CTNNA3: variants seen among roughly 807,000 people sequenced by gnomAD.
CTNNA3 encodes the protein catenin alpha 3, also known as catenin alpha-3.
In CTNNA3, 76 loss-of-function variants were observed where a neutral mutation model predicts 95.7. The ratio of observed to expected loss-of-function variants is 0.79; its 90% CI spans 0.66 to 0.96. The LOEUF (loss-of-function observed/expected upper bound fraction) is 0.96, where lower values mean the gene tolerates loss of function less well. Among genes scored for constraint, CTNNA3 ranks in the 40% least tolerant of loss-of-function variants. CTNNA3 has a pLI of 0.00. For missense variants in CTNNA3, 1,191 were observed against 1,089.8 expected (o/e 1.09, Z -1.31); for synonymous variants, 431 against 374.4 (o/e 1.15, Z -1.74).
chr10:66,668,554 T>C (rs1273137374), intron 9 of CTNNA3, among the ~76,000 whole-genome samples: 1 of 152,004 alleles, frequency 6.6e-6, no homozygotes, highest in African/African-American at 2.4e-5. Context: ...GGTTCATGTC[T>C]ATAATCCCAG....
At chr10:66,398,036 G>C (rs1589192695) in intron 11 of CTNNA3, among the ~76,000 whole-genome samples, 1 of 151,882 alleles carries the variant, frequency 6.6e-6, no homozygotes, top group East Asian at 1.9e-4. Context: ...TATTACTAGA[G>C]TAATATTTAT....
At position 66,463,886 on chromosome 10, in the gene CTNNA3, A is replaced by ATTTTT. The variant is rs112075327; in HGVS notation, c.1531+56726_1531+56730dup. Among the ~76,000 whole-genome samples the ATTTTT allele has an allele frequency of 4.2e-3, 597 of 143,764 alleles. 3 individuals carry two copies. Among genetic ancestry groups the ATTTTT allele is most frequent in the African/African-American group, 0.013 (533 of 39,520 alleles). 94.3% of individuals were successfully genotyped at this position (143,764 alleles called of 152,430 possible). On this transcript the variant is annotated intron_variant, in intron 11 of 17. Transcript: ENST00000433211. ...GAACAGAGGGAGCAGTCACTTTCCA[A>ATTTTT]TTTTTTTTTTTTTTTTACAAATAAG...
chr10:66,728,171 C>T (rs1848837748), intron 9 of CTNNA3, among the ~76,000 whole-genome samples: 1 of 152,148 alleles, frequency 6.6e-6, no homozygotes, highest in African/African-American at 2.4e-5. Flanking sequence ...CAAGTGGCTA[C>T]CAGAAACACT....
chr10:65,980,611 A>G (rs2078300116), intron 16 of CTNNA3, among the ~76,000 whole-genome samples: 1 of 151,942 alleles, frequency 6.6e-6, no homozygotes, highest in Admixed American at 6.6e-5. Context: ...CTAGCTAACT[A>G]AATTCAACAG....
intron 9 of CTNNA3, among the ~76,000 whole-genome samples, chr10:66,763,731 G>C (rs1043631452): frequency 1.5e-4 from 23 of 152,096 alleles, no homozygotes; most frequent in Non-Finnish European, 5.9e-5. Context: ...TTGCATTTGG[G>C]ACTTCTCATC....
At chr10:66,623,943 G>C (rs1658237272) in intron 9 of CTNNA3, among the ~76,000 whole-genome samples, 1 of 152,036 alleles carries the variant, frequency 6.6e-6, no homozygotes, top group African/African-American at 2.4e-5. Context: ...TGGCTCTTTA[G>C]TCAAGTATGT....
At chr10:67,010,213 T>C (rs1269567691) in intron 7 of CTNNA3, among the ~76,000 whole-genome samples, 1 of 152,168 alleles carries the variant, frequency 6.6e-6, no homozygotes, top group Non-Finnish European at 1.5e-5. Context: ...CATATTGTTC[T>C]TTAGAAAAGT....
chr10:67,647,146 T>TTATA (rs67324505), intron 2 of CTNNA3, among the ~76,000 whole-genome samples: 1,450 of 136,402 alleles, frequency 0.011, 13 homozygotes, highest in Non-Finnish European at 0.013. Flanking sequence ...ACTCTGAAAA[T>TTATA]TATATATATA....
At chr10:66,409,637 G>T (rs1222845778) in intron 11 of CTNNA3, among the ~76,000 whole-genome samples, 2 of 152,164 alleles carry the variant, frequency 1.3e-5, no homozygotes, top group African/African-American at 2.4e-5. Context: ...TCTGATGGCA[G>T]TGAGACCATA....
At chr10:67,758,323 T>TACACACACACACAC (rs3059974) in intron 1 of CTNNA3, among the ~76,000 whole-genome samples, 14 of 143,318 alleles carry the variant, frequency 9.8e-5, no homozygotes, top group Non-Finnish European at 2.1e-4. Flanking sequence ...TAAATATATA[T>TACACACACACACAC]ACACACACAC....
chr10:67,707,058 A>G (rs766842276), intron 1 of CTNNA3, among the ~76,000 whole-genome samples: 1 of 152,140 alleles, frequency 6.6e-6, no homozygotes, highest in Non-Finnish European at 1.5e-5. Flanking sequence ...ATTACCATCC[A>G]GAATTCCCAC....
intron 13 of CTNNA3, among the ~76,000 whole-genome samples, chr10:66,206,733 T>C (rs993837329): frequency 6.6e-6 from 1 of 151,940 alleles, no homozygotes; most frequent in East Asian, 1.9e-4. Flanking sequence ...TAAGAGAAGA[T>C]TTTCTTTGTA....
In CTNNA3 at chr10:65,919,094, T is replaced by C. The variant is rs889916294; in HGVS notation, c.*1236A>G. 2.6e-5 allele frequency: 4 copies of C among 152,120 alleles called. No homozygotes were observed. The highest frequency in any genetic ancestry group is 4.8e-5 in the African/African-American group (2 of 41,432). The allele number at this position is 152,120 out of a possible 1,614,324, so 9.4% of individuals were successfully genotyped here. On this transcript the variant is annotated 3_prime_UTR_variant, in exon 18 of 18. Transcript: ENST00000433211. ...TGAGAAAAAATGAAAACAAAACTTA[T>C]GGCCTCCAAAGAGTTTCTGTTAAGG...
intron 15 of CTNNA3, among the ~76,000 whole-genome samples, chr10:66,003,310 CGGTGGTGGTGGT>C (rs1003593936): frequency 6.8e-6 from 1 of 148,044 alleles, no homozygotes; most frequent in Non-Finnish European, 1.5e-5. Flanking sequence ...CTGCTGGTGG[CGGTGGTGGTGGT>C]GGTGGTGGTG....
At position 67,724,810 on chromosome 10, in the gene CTNNA3, C is replaced by A. The variant is rs372618409; in HGVS notation, c.-2+38624G>T. Among the ~76,000 whole-genome samples the A allele has an allele frequency of 2.0e-5, 3 of 152,224 alleles. No individual in the cohort carries two copies. In the East Asian group the frequency reaches 5.8e-4, roughly 29 times the overall value. ...TGCTGTGGCATAAATTTGCTGCCTT[C>A]ATTGTAGGATCAGTCCTTATCCAAG... On this transcript the variant is annotated intron_variant, in intron 1 of 17. Transcript: ENST00000684154.
chr10:66,866,827 G>T (rs903781361), intron 7 of CTNNA3, among the ~76,000 whole-genome samples: 1 of 152,158 alleles, frequency 6.6e-6, no homozygotes, highest in Non-Finnish European at 1.5e-5. Context: ...TAACATGACT[G>T]ATATGGTTTG....
rs772722428 is a variant in CTNNA3 at position 66,928,295 on chromosome 10, G to A, written c.1048-152771C>T. The A allele has an allele frequency of 3.0e-5, 48 of 1,614,014 alleles. No individual in the cohort carries two copies. The South Asian group carries it at 3.2e-4, about 11-fold the overall frequency. On this transcript the variant is annotated intron_variant, in intron 7 of 17. Coordinates refer to ENST00000433211, the MANE Select transcript of CTNNA3 (RefSeq NM_013266.4). ...CTGCAGCAGCGCTCCCTCATGCGAA[G>A]GCACAGGAAAAAGAAAAGACAGTCC...
intron 13 of CTNNA3, among the ~76,000 whole-genome samples, chr10:66,133,530 A>C (rs2083219062): frequency 6.6e-6 from 1 of 151,764 alleles, no homozygotes; most frequent in African/African-American, 2.4e-5. Flanking sequence ...AAAACAAAAA[A>C]CAAAAAACAA....
At chr10:67,399,582 G>T (rs1844842995) in intron 5 of CTNNA3, among the ~76,000 whole-genome samples, 3 of 151,998 alleles carry the variant, frequency 2.0e-5, no homozygotes, top group African/African-American at 4.8e-5. Context: ...ATCTCCCAAG[G>T]TTTTTTCCAG....
Sources: gnomAD v4.1 joint callset for allele counts (sites outside exome capture counted in the v4.1 genomes callset) on GRCh38, gnomAD v4.1.1 for gene constraint, MANE v1.5 for transcripts, NCBI Gene and HGNC (gene_info 2026-07-23, HGNC 2026-07-21) for gene names.